Variants in ZNF142 observed in about 807,000 individuals in gnomAD.
The protein encoded by ZNF142 is zinc finger protein 142 (clone pHZ-49).
ZNF142 carries 96 observed loss-of-function variants against 132.1 expected under a neutral mutation model. The ratio of observed to expected loss-of-function variants is 0.73; its 90% confidence interval spans 0.62 to 0.86. The LOEUF (loss-of-function observed/expected upper bound fraction) is 0.86. ZNF142 is among the 40% of genes least tolerant of loss of function. The pLI is 0.00. For missense variants in ZNF142, 2,163 were observed against 2,336.2 expected (o/e 0.93, Z 1.53); for synonymous variants, 842 against 890.1 (o/e 0.95, Z 0.96).
chr2:218,644,526 T>C lies in ZNF142; in HGVS notation c.2590A>G (p.Asn864Asp), dbSNP rs1697559849. Residue 864 changes from asparagine to aspartate, a missense_variant, in exon 9 of 11, where the codon AAC (asparagine) becomes GAC (aspartate). By Grantham distance (23) the Asn-to-Asp change is conservative. Around this residue, in one of 7 missense-constraint regions of ZNF142, gnomAD observed 749 missense variants for 830.3 expected, o/e 0.90. Coordinates refer to ENST00000411696, the MANE Select transcript of ZNF142 (RefSeq NM_001379659.1). This position sits in a 1 kb window ranked among gnomAD's most constrained non-coding sequence, Gnocchi z 4.6. ...TCACTGCCCTCCTGTCTTCCAGTGT[T>C]GACCTCCTCACTCATCTCTGGCAGG... ...QALPEMSEEV[N>D]TGRQEGSEAP... 6.2e-7 allele frequency: 1 copy of C among 1,614,016 alleles called. No homozygotes were observed. The highest frequency in any genetic ancestry group is 8.5e-7 in the Non-Finnish European group (1 of 1,180,032).
Position 218,636,635 on chromosome 2 carries a change from G to A in ZNF142, c.*1704C>T. On this transcript the variant is annotated 3_prime_UTR_variant, in exon 11 of 11. Transcript: ENST00000411696. ...GGCTTTAGACGGGGAGAAACATCTG[G>A]AAGGATGCTCGAGAGAACAAATGGA... 1.3e-6 allele frequency: 2 copies of A among 1,533,286 alleles called. No individual in the cohort carries two copies. Among genetic ancestry groups the A allele is most frequent in the Non-Finnish European group, 1.8e-6 (2 of 1,115,686 alleles). The allele number at this position is 1,533,286 out of a possible 1,614,324, so 95.0% of individuals were successfully genotyped here.
intron 3 of ZNF142, 121 bp from the exon 4 acceptor site, chr2:218,656,584 A>T: frequency 1.9e-6 from 1 of 518,496 alleles, no homozygotes; most frequent in East Asian, 3.3e-5. Flanking sequence ...GCAATATGCC[A>T]TATATACCAT....
At chr2:218,651,347 G>C (rs1247820764) in intron 5 of ZNF142, among the ~76,000 whole-genome samples, 1 of 152,156 alleles carries the variant, frequency 6.6e-6, no homozygotes, top group East Asian at 1.9e-4. Flanking sequence ...TGCTCTAAAG[G>C]AAAGTCTACA....
At position 218,634,102 on chromosome 2, in the gene ZNF142, C is replaced by T. The variant is rs191003876; in HGVS notation, c.*4237G>A. The T allele has an allele frequency of 1.1e-3, 1,811 of 1,606,420 alleles. 22 individuals are homozygous for T. The highest frequency in any genetic ancestry group is 5.0e-4 in the Middle Eastern group (3 of 6,056). ...CCATCTCCCTCTCTATACCCTTTTA[C>T]AGGCAATGAGTTTGTGCAGCACAAT... On this transcript the variant is annotated 3_prime_UTR_variant, in exon 11 of 11. Transcript: ENST00000411696. This position sits in a 1 kb window ranked among gnomAD's most constrained non-coding sequence, Gnocchi z 4.0.
Position 218,650,528 on chromosome 2 carries a change from T to C in ZNF142, c.881-2A>G, listed in dbSNP as rs1314183243. 6.4e-7 allele frequency: 1 copy of C among 1,565,662 alleles called. No homozygotes were observed. Among genetic ancestry groups the C allele is most frequent in the Non-Finnish European group, 8.6e-7 (1 of 1,158,406 alleles). ...TCTCTCCTGGAGGCAGTTTGGGAGC[T>C]GGAGATACATAAAACTTGATAAAGT... On this transcript the variant is annotated splice_acceptor_variant, in intron 5 of 10. Coordinates refer to ENST00000411696, the MANE Select transcript of ZNF142 (RefSeq NM_001379659.1). LOFTEE classifies it high-confidence loss of function.
At chr2:218,645,752 ACT>A (rs765802594) in intron 8 of ZNF142, among the ~76,000 whole-genome samples, 2 of 151,364 alleles carry the variant, frequency 1.3e-5, no homozygotes, top group Admixed American at 6.6e-5. Context: ...TTAGGAAAAG[ACT>A]CTCTTTTTTC....
Position 218,644,904 on chromosome 2 carries a change from C to G in ZNF142, c.2212G>C (p.Gly738Arg). The change falls in exon 9 of 11, where the codon GGC (glycine) becomes CGC (arginine). Residue 738 changes from glycine (G) to arginine (R), a missense_variant. This residue lies in a region of ZNF142 where 749 missense variants were observed against 830.3 expected (regional missense o/e 0.90). Transcript: ENST00000411696. This position sits in a 1 kb window ranked among gnomAD's most constrained non-coding sequence, Gnocchi z 4.6. Reference protein sequence around the residue: ...QKHMASQHHPGTPAPLYPCHY... With the variant: ...QKHMASQHHPRTPAPLYPCHY... Reference sequence around the variant, plus strand: ...CAAGGGTAGAGTGGGGCCGGTGTGCCAGGGTGGTGCTGGGAAGCCATGTGC... The same window carrying G: ...CAAGGGTAGAGTGGGGCCGGTGTGCGAGGGTGGTGCTGGGAAGCCATGTGC... 1.2e-6 allele frequency: 2 copies of G among 1,614,018 alleles called. No homozygotes were observed. Among genetic ancestry groups the G allele is most frequent in the Non-Finnish European group, 8.5e-7 (1 of 1,179,936 alleles).
chr2:218,652,594 C>T (rs1398266330), intron 4 of ZNF142, among the ~76,000 whole-genome samples: 1 of 152,086 alleles, frequency 6.6e-6, no homozygotes, highest in Non-Finnish European at 1.5e-5. Flanking sequence ...GTATATTTTG[C>T]CCAAGTGAAA....
At chr2:218,639,913 G>A (rs1319341891) in intron 10 of ZNF142, among the ~76,000 whole-genome samples, 17 of 150,830 alleles carry the variant, frequency 1.1e-4, no homozygotes, top group East Asian at 1.9e-4. Flanking sequence ...AAACTTAGCC[G>A]GGCGTGGTGG....
chr2:218,648,928 A>G lies in ZNF142; in HGVS notation c.1580T>C (p.Phe527Ser), dbSNP rs1407279492. 5.0e-6 allele frequency: 8 copies of G among 1,613,730 alleles called. No individual in the cohort carries two copies. The highest frequency in any genetic ancestry group is 6.8e-6 in the Non-Finnish European group (8 of 1,180,032). ...GGCCTCCATGGCTTCGGCTGTGGCAAAGAGCATGGGACATGAGTGATGGCG... is the reference window on the plus strand; with the variant it reads ...GGCCTCCATGGCTTCGGCTGTGGCAGAGAGCATGGGACATGAGTGATGGCG... ...ECRHHSCPML[F>S]ATAEAMEAHH... Residue 527 changes from phenylalanine to serine, a missense_variant, in exon 7 of 11, where the codon TTT (phenylalanine) becomes TCT (serine). By Grantham distance (155) the Phe-to-Ser change is radical (BLOSUM62 -2). Around this residue, in one of 7 missense-constraint regions of ZNF142, gnomAD observed 749 missense variants for 830.3 expected, o/e 0.90. Transcript: ENST00000411696.
rs764970715 is a variant in ZNF142, at chr2:218,638,720, T to C, written c.5283A>G (p.Glu1761=). 6.2e-7 allele frequency: 1 copy of C among 1,613,964 alleles called. No homozygotes were observed. The highest frequency in any genetic ancestry group is 8.5e-7 in the Non-Finnish European group (1 of 1,180,044). The change falls in exon 11 of 11, where the codon GAA becomes GAG. Residue 1761 remains glutamate, a synonymous_variant. Transcript: ENST00000411696. Reference sequence around the variant, plus strand: ...ACTGCTCACACATGAAAGCCCGTGCTTCTCGATGCCGGGTCTCCTGGTGCA... The same window carrying C: ...ACTGCTCACACATGAAAGCCCGTGCCTCTCGATGCCGGGTCTCCTGGTGCA... ...LRVHQETRHR[E]ARAFMCEQCG...
At chr2:218,657,921 T>C (rs1298219205) in intron 3 of ZNF142, among the ~76,000 whole-genome samples, 1 of 152,206 alleles carries the variant, frequency 6.6e-6, no homozygotes, top group East Asian at 1.9e-4. Context: ...CATTATCACT[T>C]CAACGAACAC....
At position 218,644,971 on chromosome 2, in the gene ZNF142, C is replaced by T; in HGVS notation, c.2145G>A (p.Glu715=). ...LRHQGKSLMC[E]VCAFACKRKY... ...TCCGCTTGCAGGCGAAGGCACACAC[C>T]TCACACATCAGAGACTTGCCCTGAT... is the stretch of plus-strand genomic sequence containing the variant. Residue 715 remains glutamate, a synonymous_variant, in exon 9 of 11, where the codon GAG becomes GAA. Transcript: ENST00000411696. The surrounding 1 kb of genome is among the most constrained non-coding windows in gnomAD (Gnocchi z 4.6). The T allele has an allele frequency of 6.2e-7, 1 of 1,614,144 alleles. No homozygotes were observed. The highest frequency in any genetic ancestry group is 1.1e-5 in the South Asian group (1 of 91,086).
chr2:218,652,772 C>T (rs947671648), intron 4 of ZNF142, among the ~76,000 whole-genome samples: 4 of 151,954 alleles, frequency 2.6e-5, no homozygotes, highest in African/African-American at 7.3e-5. Flanking sequence ...TAATTGCTGC[C>T]GTTTTAAAAG....
intron 7 of ZNF142, among the ~76,000 whole-genome samples, chr2:218,646,941 G>A (rs1384902191): frequency 6.6e-6 from 1 of 152,116 alleles, no homozygotes; most frequent in Non-Finnish European, 1.5e-5. Context: ...ACAGCTTGCT[G>A]TCACTATGGT....
rs1334840165 is a variant in ZNF142, at chr2:218,633,580, C to G, written c.*4759G>C. On this transcript the variant is annotated 3_prime_UTR_variant, in exon 11 of 11. Coordinates refer to ENST00000411696, the MANE Select transcript of ZNF142 (RefSeq NM_001379659.1). ...CTCTCAGACTGCTGAGGGTTCAATT[C>G]CATCTTCTTTTCCACCTTCTCCAGA... 4.3e-6 allele frequency: 7 copies of G among 1,609,500 alleles called. No individual in the cohort carries two copies. The highest frequency in any genetic ancestry group is 6.0e-6 in the Non-Finnish European group (7 of 1,176,000).
chr2:218,635,149 T>TC lies in ZNF142; in HGVS notation c.*3189dup, dbSNP rs1052220286. On this transcript the variant is annotated 3_prime_UTR_variant, in exon 11 of 11. Coordinates refer to ENST00000411696, the MANE Select transcript of ZNF142 (RefSeq NM_001379659.1). ...CATGGTGGCACATGACTATAGATAGTCCTGGCTACTCAGGAGGCTAAGGCT... is the reference window on the plus strand; with the variant it reads ...CATGGTGGCACATGACTATAGATAGTCCCTGGCTACTCAGGAGGCTAAGGCT... 6.6e-6 allele frequency among the ~76,000 whole-genome samples: 1 copy of TC among 151,950 alleles called. No individual in the cohort carries two copies. Among genetic ancestry groups the TC allele is most frequent in the African/African-American group, 2.4e-5 (1 of 41,362 alleles).
In ZNF142 at chr2:218,636,000, C is replaced by T. The variant is rs1183793626; in HGVS notation, c.*2339G>A. ...TTAGTTTTCCTTCTAGTCTGTCTTC[C>T]ATTAAGTATAGCATCTGTTATTGCA... is the stretch of plus-strand genomic sequence containing the variant. On this transcript the variant is annotated 3_prime_UTR_variant, in exon 11 of 11. Coordinates refer to ENST00000411696, the MANE Select transcript of ZNF142 (RefSeq NM_001379659.1). The T allele has an allele frequency of 1.2e-6, 2 of 1,604,964 alleles. No homozygotes were observed. Among genetic ancestry groups the T allele is most frequent in the African/African-American group, 1.3e-5 (1 of 74,818 alleles).
intron 4 of ZNF142, among the ~76,000 whole-genome samples, chr2:218,654,141 C>T (rs942995002): frequency 6.1e-4 from 93 of 152,070 alleles, no homozygotes; most frequent in Admixed American, 6.0e-3. Context: ...ATAAAGCACC[C>T]CTATATATCC....
Sources: gnomAD v4.1 joint callset for allele counts (sites outside exome capture counted in the v4.1 genomes callset) on GRCh38, gnomAD v4.1.1 for gene constraint, gnomAD v4.1.1 regional missense constraint, Gnocchi (gnomAD v3.1) non-coding constraint, MANE v1.5 for transcripts, NCBI Gene and HGNC (gene_info 2026-07-23, HGNC 2026-07-21) for gene names.